The following HIVEP2 variants were observed in gnomAD, a reference collection of about 807,000 sequenced individuals.
HIVEP2 encodes transcription factor HIVEP2.
Under a neutral mutation model 180.7 loss-of-function variants are expected in HIVEP2, and 14 were observed. That is an observed-to-expected ratio of 0.08 (90% CI 0.05 to 0.12). The LOEUF (loss-of-function observed/expected upper bound fraction) is 0.12, where lower values mean the gene tolerates loss of function less well. Among genes scored for constraint, HIVEP2 ranks in the 10% least tolerant of loss-of-function variants. The pLI is 1.00. For synonymous variants in HIVEP2, 1,184 were observed against 1,136.4 expected (o/e 1.04, Z -0.84); for missense variants, 2,579 against 3,008.5 (o/e 0.86, Z 3.34).
chr6:142,876,344 G>A (rs1202908658), intron 1 of HIVEP2, among the ~76,000 whole-genome samples: 2 of 152,128 alleles, frequency 1.3e-5, no homozygotes, highest in African/African-American at 2.4e-5. Context: ...TGCTATTTTT[G>A]TGGCTCTAAG....
intron 1 of HIVEP2, among the ~76,000 whole-genome samples, chr6:142,928,212 C>T (rs1562295707): frequency 6.6e-6 from 1 of 152,076 alleles, no homozygotes; most frequent in Non-Finnish European, 1.5e-5. Flanking sequence ...CTGTACCTTC[C>T]GCTGGATTTT....
At chr6:142,919,367 C>A (rs532185678) in intron 1 of HIVEP2, among the ~76,000 whole-genome samples, 1 of 152,254 alleles carries the variant, frequency 6.6e-6, no homozygotes, top group Non-Finnish European at 1.5e-5. Flanking sequence ...TTAATATTGA[C>A]TCATAATTGT....
intron 1 of HIVEP2, among the ~76,000 whole-genome samples, chr6:142,845,852 A>G (rs1238469288): frequency 6.6e-6 from 1 of 152,190 alleles, no homozygotes; most frequent in African/African-American, 2.4e-5. Context: ...CCGGACAACA[A>G]GCTGGGTGCA....
At position 142,889,605 on chromosome 6, in the gene HIVEP2, T is replaced by C. The variant is rs1190124698; in HGVS notation, c.-640-52558A>G. Among the ~76,000 whole-genome samples, 3 of 152,188 alleles carry C rather than the reference T, an allele frequency of 2.0e-5. No individual in the cohort carries two copies. In the South Asian group the frequency reaches 6.2e-4, roughly 31 times the overall value. ...TCTTATCAAATCTTAGGCAATTACATAACCTCTCTGAACCTTAGGTTCCCA... is the reference window on the plus strand; with the variant it reads ...TCTTATCAAATCTTAGGCAATTACACAACCTCTCTGAACCTTAGGTTCCCA... On this transcript the variant is annotated intron_variant, in intron 1 of 9. Transcript: ENST00000367603.
In HIVEP2 at chr6:142,772,484, T is replaced by C. The variant is rs772133783; in HGVS notation, c.2255A>G (p.His752Arg). The change falls in exon 5 of 10, where the codon CAT (histidine) becomes CGT (arginine). Residue 752 changes from histidine to arginine, a missense_variant. Physicochemically the swap from His to Arg is conservative, Grantham distance 29 (BLOSUM62 0). This residue lies in a region of HIVEP2 where 524 missense variants were observed against 563.6 expected (regional missense o/e 0.93). Coordinates refer to ENST00000367603, the MANE Select transcript of HIVEP2 (RefSeq NM_006734.4). The surrounding 1 kb of genome is among the most constrained non-coding windows in gnomAD (Gnocchi z 4.9). ...TGGGTCAAAGCGTTCCGTGTGACCATGAGAAAGGTTTTCGTGTCCAGCCAT... is the reference window on the plus strand; with the variant it reads ...TGGGTCAAAGCGTTCCGTGTGACCACGAGAAAGGTTTTCGTGTCCAGCCAT... ...FAMAGHENLSHGHTERFDPCR... is the reference protein window; with the variant it reads ...FAMAGHENLSRGHTERFDPCR... 6.2e-7 allele frequency: 1 copy of C among 1,612,394 alleles called. No homozygotes were observed. Among genetic ancestry groups the C allele is most frequent in the South Asian group, 1.1e-5 (1 of 91,052 alleles).
chr6:142,753,375 T>C lies in HIVEP2; in HGVS notation c.7073A>G (p.His2358Arg). Residue 2358 changes from histidine (H) to arginine (R), a missense_variant, in exon 10 of 10, where the codon CAC becomes CGC. Physicochemically the swap from His to Arg is conservative, Grantham distance 29. Coordinates refer to ENST00000367603, the MANE Select transcript of HIVEP2 (RefSeq NM_006734.4). Reference protein sequence around the residue: ...PDQPARVQEPHQNPLGSAHVS... With the variant: ...PDQPARVQEPRQNPLGSAHVS... ...ATGTGCACTTCCCAGGGGGTTCTGG[T>C]GGGGCTCCTGCACCCGCGCTGGCTG... The C allele has an allele frequency of 2.5e-6, 4 of 1,614,006 alleles. No individual in the cohort carries two copies. Among genetic ancestry groups the C allele is most frequent in the Non-Finnish European group, 3.4e-6 (4 of 1,180,032 alleles).
At chr6:142,777,979 G>A (rs1026632918) in intron 3 of HIVEP2, among the ~76,000 whole-genome samples, 5 of 152,206 alleles carry the variant, frequency 3.3e-5, no homozygotes, top group South Asian at 2.1e-4. Flanking sequence ...AAAAGCACCC[G>A]GAAATTCCCA....
intron 2 of HIVEP2, among the ~76,000 whole-genome samples, chr6:142,813,279 G>C (rs895680295): frequency 1.3e-5 from 2 of 152,050 alleles, no homozygotes; most frequent in Non-Finnish European, 2.9e-5. Flanking sequence ...AAATTGTTAT[G>C]AGGGCTAATT....
At position 142,783,132 on chromosome 6, in the gene HIVEP2, AT is replaced by A. The variant is rs1229559769; in HGVS notation, c.-433+388del. Among the ~76,000 whole-genome samples the A allele has an allele frequency of 4.1e-3, 622 of 152,208 alleles. 5 individuals are homozygous for A. The highest frequency in any genetic ancestry group is 0.014 in the African/African-American group (566 of 41,550). On this transcript the variant is annotated intron_variant, in intron 3 of 9. Transcript: ENST00000367603. ...AGGCCGAGGTCAAGAGATCGAGACC[AT>A]CCTGGCCAACATGGTGAAACCCTGT...
chr6:142,889,807 C>T (rs1459594679), intron 1 of HIVEP2, among the ~76,000 whole-genome samples: 2 of 152,170 alleles, frequency 1.3e-5, no homozygotes, highest in Admixed American at 6.5e-5. Flanking sequence ...TGGTGCTGTC[C>T]ACTAGACAGG....
intron 2 of HIVEP2, among the ~76,000 whole-genome samples, chr6:142,818,415 G>A (rs958771696): frequency 6.6e-6 from 1 of 152,072 alleles, no homozygotes; most frequent in Admixed American, 6.5e-5. Context: ...GGTGGCTCAC[G>A]CCTGTAATCC....
chr6:142,800,355 T>C (rs1321549431), intron 2 of HIVEP2, among the ~76,000 whole-genome samples: 2 of 152,178 alleles, frequency 1.3e-5, no homozygotes, highest in African/African-American at 4.8e-5. Context: ...AAGTTTAATA[T>C]GGTGGGACTC....
chr6:142,907,525 T>C (rs1469888059), intron 1 of HIVEP2, among the ~76,000 whole-genome samples: 1 of 152,214 alleles, frequency 6.6e-6, no homozygotes, highest in Non-Finnish European at 1.5e-5. Context: ...TGAGTCGTAC[T>C]CAGTAAAGGT....
chr6:142,824,895 C>T (rs1346557653), intron 2 of HIVEP2, among the ~76,000 whole-genome samples: 1 of 151,904 alleles, frequency 6.6e-6, no homozygotes, highest in Non-Finnish European at 1.5e-5. Flanking sequence ...ACCTCTGGAG[C>T]TGGTAGAAGG....
At chr6:142,836,911 T>C (rs888327321) in intron 2 of HIVEP2, 24 bp downstream of exon 2, 2 of 152,234 alleles carry the variant, frequency 1.3e-5, no homozygotes, top group East Asian at 1.9e-4. Context: ...TCAAACCATA[T>C]AGAAAGCACT....
At chr6:142,822,571 T>C (rs2114835823) in intron 2 of HIVEP2, among the ~76,000 whole-genome samples, 1 of 152,330 alleles carries the variant, frequency 6.6e-6, no homozygotes, top group Admixed American at 6.5e-5. Flanking sequence ...AGTGCTAAAC[T>C]TCAGTTAGAG....
intron 2 of HIVEP2, among the ~76,000 whole-genome samples, chr6:142,817,173 T>C (rs766383623): frequency 2.0e-4 from 31 of 152,194 alleles, no homozygotes; most frequent in Non-Finnish European, 4.0e-4. Context: ...AGAGATTAGG[T>C]CTATATATTT....
Position 142,842,699 on chromosome 6 carries a change from A to G in HIVEP2, c.-640-5652T>C, listed in dbSNP as rs57166730. Among the ~76,000 whole-genome samples, 280 of 152,244 alleles carry G rather than the reference A, an allele frequency of 1.8e-3. 2 individuals carry two copies. The highest frequency in any genetic ancestry group is 6.5e-3 in the African/African-American group (269 of 41,542). ...AAGATGCCCACAAATTTTCTTTCCC[A>G]GAGTTCAAAATAGCAAGCTGAGTGG... On this transcript the variant is annotated intron_variant, in intron 1 of 9. Transcript: ENST00000367603.
rs1297176664 is a variant in HIVEP2 at position 142,771,562 on chromosome 6, A to G, written c.3177T>C (p.Ala1059=). ...KSFDYGNLSH[A]PVSGAAASTV... ...TGGAGGCTGCTGCTCCCGACACAGG[A>G]GCATGGGACAGATTCCCATAATCAA... Residue 1059 remains alanine, a synonymous_variant, in exon 5 of 10, where the codon GCT becomes GCC. Coordinates refer to ENST00000367603, the MANE Select transcript of HIVEP2 (RefSeq NM_006734.4). The surrounding 1 kb of genome is among the most constrained non-coding windows in gnomAD (Gnocchi z 5.4). The G allele has an allele frequency of 6.2e-7, 1 of 1,613,890 alleles. No individual in the cohort carries two copies. Among genetic ancestry groups the G allele is most frequent in the East Asian group, 2.2e-5 (1 of 44,894 alleles).
Sources: allele counts gnomAD v4.1 joint callset (sites outside exome capture counted in the v4.1 genomes callset), GRCh38; gene constraint gnomAD v4.1.1; regional missense constraint gnomAD v4.1.1; non-coding constraint Gnocchi (gnomAD v3.1); transcripts MANE v1.5; gene names NCBI Gene and HGNC (gene_info 2026-07-23, HGNC 2026-07-21).